PTPRG: variants seen among roughly 807,000 people sequenced by gnomAD.
The protein encoded by PTPRG is receptor-type tyrosine-protein phosphatase gamma.
A neutral mutation model predicts 165.3 loss-of-function variants in PTPRG; 102 were observed. The ratio of observed to expected loss-of-function variants is 0.62; its 90% confidence interval spans 0.53 to 0.73. The LOEUF is 0.73. Among genes scored for constraint, PTPRG ranks in the 30% least tolerant of loss-of-function variants. The pLI, the probability that PTPRG is intolerant of heterozygous loss-of-function variation, is 0.00. For synonymous variants in PTPRG, 675 were observed against 669.5 expected (o/e 1.01, Z -0.13); for missense variants, 1,866 against 1,861.4 (o/e 1.00, Z -0.05).
At chr3:62,197,589 AGAAG>A (rs1246882955) in intron 10 of PTPRG, among the ~76,000 whole-genome samples, 3 of 151,988 alleles carry the variant, frequency 2.0e-5, no homozygotes, top group Non-Finnish European at 4.4e-5. Flanking sequence ...GGCCTAGGGG[AGAAG>A]GAAGGAAGGC....
chr3:62,119,745 C>G (rs879470894), intron 5 of PTPRG, among the ~76,000 whole-genome samples: 12 of 150,776 alleles, frequency 8.0e-5, no homozygotes, highest in African/African-American at 1.2e-4. Flanking sequence ...CTCAGCCTCT[C>G]GAGTAGCTAG....
chr3:61,804,586 A>G (rs603052), intron 2 of PTPRG, among the ~76,000 whole-genome samples: 36,116 of 151,970 alleles, frequency 0.24, 4,445 homozygotes, highest in African/African-American at 0.32. Flanking sequence ...AGGATAGCAT[A>G]AAAGTGCTGA....
chr3:61,567,814 T>C (rs139093186), intron 1 of PTPRG, among the ~76,000 whole-genome samples: 1 of 151,806 alleles, frequency 6.6e-6, no homozygotes, highest in East Asian at 1.9e-4. Context: ...TGAGACCTCA[T>C]CTCTACAAAA....
chr3:61,679,216 A>G (rs1703341217), intron 1 of PTPRG, among the ~76,000 whole-genome samples: 1 of 152,234 alleles, frequency 6.6e-6, no homozygotes, highest in Non-Finnish European at 1.5e-5. Flanking sequence ...GAGCATTTCA[A>G]ACTGTTTTCA....
chr3:62,144,628 A>T, intron 6 of PTPRG, among the ~76,000 whole-genome samples: 1 of 152,210 alleles, frequency 6.6e-6, no homozygotes, highest in Non-Finnish European at 1.5e-5. Context: ...ACATCTATTA[A>T]GGATCCAGGA....
chr3:62,101,277 A>G (rs1221531407), intron 5 of PTPRG, among the ~76,000 whole-genome samples: 4 of 152,208 alleles, frequency 2.6e-5, no homozygotes, highest in African/African-American at 9.6e-5. Flanking sequence ...GATGCAGCAA[A>G]TTTAGTTTGA....
At chr3:61,988,472 C>A (rs570895997) in intron 2 of PTPRG, among the ~76,000 whole-genome samples, 1 of 152,248 alleles carries the variant, frequency 6.6e-6, no homozygotes, top group African/African-American at 2.4e-5. Context: ...ACTAAACTAA[C>A]AAGGCTAGTA....
intron 1 of PTPRG, among the ~76,000 whole-genome samples, chr3:61,654,838 G>A (rs1474266148): frequency 1.4e-5 from 2 of 145,500 alleles, no homozygotes; most frequent in Admixed American, 7.1e-5. Flanking sequence ...CTGGAGTGCA[G>A]TGGTGCAATC....
chr3:61,700,448 T>C (rs17065201), intron 1 of PTPRG, among the ~76,000 whole-genome samples: 7,368 of 152,298 alleles, frequency 0.048, 333 homozygotes, highest in African/African-American at 0.12. Context: ...AGCTTGTACC[T>C]AATTGCCTTT....
chr3:62,282,868 G>T lies in PTPRG; in HGVS notation c.4054G>T (p.Glu1352Ter), dbSNP rs1276551330. 1 of 1,605,406 alleles carries T rather than the reference G, an allele frequency of 6.2e-7. No individual in the cohort carries two copies. Residue 1352 changes from glutamate (E) to a stop codon, truncating the protein, a stop_gained and splice_region_variant, in exon 28 of 30, where the codon GAG becomes TAG. Transcript: ENST00000474889. LOFTEE classifies it high-confidence loss of function. ...TRDGPTIVHD[E>*]YGAVSAGMLC... ...GGATGGTCCCACCATTGTTCATGAT[G>T]AGTATGTATCTGTTTCTTAATTTTA...
At chr3:61,999,760 A>G (rs1383447945) in intron 3 of PTPRG, among the ~76,000 whole-genome samples, 1 of 152,192 alleles carries the variant, frequency 6.6e-6, no homozygotes, top group Non-Finnish European at 1.5e-5. Context: ...ACTGCTAGAA[A>G]TATGTCCATA....
At chr3:61,726,711 C>G (rs991336353) in intron 1 of PTPRG, among the ~76,000 whole-genome samples, 1 of 152,142 alleles carries the variant, frequency 6.6e-6, no homozygotes, top group African/African-American at 2.4e-5. Flanking sequence ...GTTGGATTGA[C>G]AGTTCCCTTG....
At chr3:62,286,870 G>C (rs1702683910) in intron 28 of PTPRG, among the ~76,000 whole-genome samples, 2 of 152,066 alleles carry the variant, frequency 1.3e-5, no homozygotes, top group South Asian at 4.1e-4. Context: ...ATCCCACTTA[G>C]TTCCTAAACT....
intron 2 of PTPRG, among the ~76,000 whole-genome samples, chr3:61,825,735 C>T (rs2036088975): frequency 6.6e-6 from 1 of 151,830 alleles, no homozygotes; most frequent in South Asian, 2.1e-4. Flanking sequence ...GCCTCCATCT[C>T]TTGGGCTCAT....
intron 1 of PTPRG, among the ~76,000 whole-genome samples, chr3:61,664,785 C>G (rs767369065): frequency 2.6e-5 from 4 of 152,058 alleles, no homozygotes; most frequent in Non-Finnish European, 5.9e-5. Context: ...GAGCCGAGAT[C>G]GCGCCATTGC....
intron 13 of PTPRG, among the ~76,000 whole-genome samples, chr3:62,223,434 T>G (rs1700692933): frequency 6.6e-6 from 1 of 152,190 alleles, no homozygotes; most frequent in Non-Finnish European, 1.5e-5. Flanking sequence ...AAGCACAGAT[T>G]TACATATACA....
chr3:61,770,996 CTT>C (rs1372201450), intron 2 of PTPRG: 1 of 152,150 alleles, frequency 6.6e-6, no homozygotes, highest in Non-Finnish European at 1.5e-5. Flanking sequence ...TCTTCTGGCT[CTT>C]GTTTCCCTCC....
rs544371294 is a variant in PTPRG at position 62,137,973 on chromosome 3, A to G, written c.682+5305A>G. 7.2e-5 allele frequency among the ~76,000 whole-genome samples: 11 copies of G among 152,316 alleles called. No homozygotes were observed. The South Asian group carries it at 2.3e-3, about 32-fold the overall frequency. ...CTTTGGCAACTTCTCATATAGTTGT[A>G]AGAGGATCAGCTTCAATGATTGCTC... On this transcript the variant is annotated intron_variant, in intron 6 of 29. Coordinates refer to ENST00000474889, the MANE Select transcript of PTPRG (RefSeq NM_002841.4).
At chr3:61,670,984 C>T (rs1333341827) in intron 1 of PTPRG, among the ~76,000 whole-genome samples, 2 of 151,692 alleles carry the variant, frequency 1.3e-5, no homozygotes, top group Non-Finnish European at 2.9e-5. Context: ...AAGTTGGATT[C>T]GTTGAAAATA....
Sources: allele counts gnomAD v4.1 joint callset (sites outside exome capture counted in the v4.1 genomes callset), GRCh38; gene constraint gnomAD v4.1.1; transcripts MANE v1.5; gene names NCBI Gene and HGNC (gene_info 2026-07-23, HGNC 2026-07-21).